ZEB1: variants seen among roughly 807,000 people sequenced by gnomAD.
The protein encoded by ZEB1 is zinc finger E-box binding homeobox 1.
Under a neutral mutation model 84.9 loss-of-function variants are expected in ZEB1, and 21 were observed. The ratio of observed to expected loss-of-function variants is 0.25; its 90% CI spans 0.18 to 0.36. The LOEUF (loss-of-function observed/expected upper bound fraction) is 0.36. Ranked by LOEUF, ZEB1 falls within the 10% of genes least tolerant of loss-of-function variation. The pLI is 1.00. For synonymous variants in ZEB1, 420 were observed against 471.1 expected, an observed-to-expected ratio of 0.89 and a Z score of 1.41; for missense variants, 1,104 against 1,330.2, an observed-to-expected ratio of 0.83 and a Z score of 2.65.
rs115611795 is a variant in ZEB1, at chr10:31,431,871, C to T, written c.59-29166C>T. Among the ~76,000 whole-genome samples the T allele has an allele frequency of 5.6e-3, 851 of 152,134 alleles. 13 individuals are homozygous for T. The highest frequency in any genetic ancestry group is 0.02 in the African/African-American group (814 of 41,510). ...GATTGTCTTTAAATCTTTATGAAAA[C>T]GTGAAATGAAGCAACATAAACATTA... is the stretch of plus-strand genomic sequence containing the variant. On this transcript the variant is annotated intron_variant, in intron 1 of 8. Coordinates refer to ENST00000424869, the MANE Select transcript of ZEB1 (RefSeq NM_001174096.2).
chr10:31,379,516 T>C (rs962140535), intron 1 of ZEB1, among the ~76,000 whole-genome samples: 8 of 151,942 alleles, frequency 5.3e-5, no homozygotes, highest in Admixed American at 2.0e-4. Flanking sequence ...TATGTGCAAG[T>C]CAAATTTAAT....
chr10:31,497,971 A>T (rs765282404), intron 3 of ZEB1, among the ~76,000 whole-genome samples: 24 of 149,488 alleles, frequency 1.6e-4, no homozygotes, highest in African/African-American at 5.5e-4. Flanking sequence ...ATAGATAGAT[A>T]GATTTAAAAA....
intron 2 of ZEB1, among the ~76,000 whole-genome samples, chr10:31,491,290 T>G (rs2066489078): frequency 6.6e-6 from 1 of 151,826 alleles, no homozygotes; most frequent in African/African-American, 2.4e-5. Context: ...GGAGTTTATA[T>G]TGTACTCTTA....
At chr10:31,356,555 T>G (rs2042157851) in intron 1 of ZEB1, among the ~76,000 whole-genome samples, 1 of 152,162 alleles carries the variant, frequency 6.6e-6, no homozygotes, top group Admixed American at 6.5e-5. Context: ...GCTGGATCAT[T>G]GGCTCTAGAG....
chr10:31,333,951 G>C (rs900233442), intron 1 of ZEB1, among the ~76,000 whole-genome samples: 8 of 152,106 alleles, frequency 5.3e-5, no homozygotes, highest in African/African-American at 1.9e-4. Context: ...AAACCTGTCC[G>C]AGAGAGTGAG....
In ZEB1 at chr10:31,417,467, A is replaced by C. The variant is rs117995545; in HGVS notation, c.59-43570A>C. 1.9e-4 allele frequency among the ~76,000 whole-genome samples: 29 copies of C among 152,246 alleles called. No individual in the cohort carries two copies. The East Asian group carries it at 2.5e-3, about 13-fold the overall frequency. ...CTAGAGGAAATTGCGTATTCTGGTTAATGAGTGGCTTATCACATACTGTCT... is the reference window on the plus strand; with the variant it reads ...CTAGAGGAAATTGCGTATTCTGGTTCATGAGTGGCTTATCACATACTGTCT... On this transcript the variant is annotated intron_variant, in intron 1 of 8. Coordinates refer to ENST00000424869, the MANE Select transcript of ZEB1 (RefSeq NM_001174096.2).
At chr10:31,352,828 A>T (rs1347893451) in intron 1 of ZEB1, among the ~76,000 whole-genome samples, 2 of 152,244 alleles carry the variant, frequency 1.3e-5, no homozygotes, top group African/African-American at 4.8e-5. Context: ...TCTGTTGATC[A>T]AAACAAGTCA....
chr10:31,456,583 G>A (rs78327438), intron 1 of ZEB1, among the ~76,000 whole-genome samples: 2,281 of 152,182 alleles, frequency 0.015, 60 homozygotes, highest in African/African-American at 0.053. Context: ...TTTTTCATCA[G>A]TGTAACGATT....
chr10:31,495,174 T>A (rs2067049506), intron 2 of ZEB1, among the ~76,000 whole-genome samples: 2 of 152,058 alleles, frequency 1.3e-5, no homozygotes, highest in South Asian at 4.1e-4. Flanking sequence ...ATTTAACTTC[T>A]CCAAGCCTCA....
chr10:31,380,831 T>G (rs995914706), intron 1 of ZEB1, among the ~76,000 whole-genome samples: 6 of 152,168 alleles, frequency 3.9e-5, no homozygotes, highest in Non-Finnish European at 4.4e-5. Flanking sequence ...TCTGAGGACT[T>G]TCACAGAATA....
intron 1 of ZEB1, among the ~76,000 whole-genome samples, chr10:31,450,951 G>T (rs992494036): frequency 6.6e-6 from 1 of 151,854 alleles, no homozygotes; most frequent in Non-Finnish European, 1.5e-5. Flanking sequence ...TCCTTCCTCA[G>T]ATTTTAATTA....
intron 1 of ZEB1, among the ~76,000 whole-genome samples, chr10:31,339,118 T>G (rs779437298): frequency 5.9e-5 from 9 of 152,156 alleles, no homozygotes; most frequent in Non-Finnish European, 1.0e-4. Flanking sequence ...CACACTCCAT[T>G]TAGAGCATTT....
At chr10:31,319,471 C>G in intron 1 of ZEB1, 179 bp downstream of exon 1, 1 of 635,284 alleles carries the variant, frequency 1.6e-6, no homozygotes. Flanking sequence ...CTGCCGGAGC[C>G]GCGCCGCGGC....
intron 2 of ZEB1, among the ~76,000 whole-genome samples, chr10:31,465,260 A>G (rs2062264883): frequency 6.6e-6 from 1 of 152,118 alleles, no homozygotes; most frequent in African/African-American, 2.4e-5. Flanking sequence ...ATATACAAGT[A>G]TGTAAATTGT....
Position 31,484,742 on chromosome 10 carries a change from A to G in ZEB1, c.260-11034A>G, listed in dbSNP as rs2065497783. On this transcript the variant is annotated intron_variant, in intron 2 of 8. Coordinates refer to ENST00000424869, the MANE Select transcript of ZEB1 (RefSeq NM_001174096.2). ...TTTCTTGCTGGCTGACAGAAAAGGAATGATAATGAGGGTACACAGATGACT... is the reference window on the plus strand; with the variant it reads ...TTTCTTGCTGGCTGACAGAAAAGGAGTGATAATGAGGGTACACAGATGACT... Among the ~76,000 whole-genome samples the G allele has an allele frequency of 2.0e-5, 3 of 152,034 alleles. No individual in the cohort carries two copies. In the South Asian group the frequency reaches 6.2e-4, roughly 31 times the overall value.
chr10:31,431,205 T>C (rs900793928), intron 1 of ZEB1, among the ~76,000 whole-genome samples: 2 of 152,328 alleles, frequency 1.3e-5, no homozygotes, highest in Admixed American at 1.3e-4. Flanking sequence ...CAGGTACATA[T>C]CTTTGTTGTT....
intron 1 of ZEB1, among the ~76,000 whole-genome samples, chr10:31,376,430 G>A (rs2046634928): frequency 6.6e-6 from 1 of 151,734 alleles, no homozygotes. Context: ...TTTAAAATGA[G>A]AAACTGCTGT....
At chr10:31,397,109 G>A (rs1480402944) in intron 1 of ZEB1, among the ~76,000 whole-genome samples, 3 of 147,308 alleles carry the variant, frequency 2.0e-5, no homozygotes, top group Non-Finnish European at 3.0e-5. Flanking sequence ...TCCACCTCCC[G>A]GGTTCAAGCA....
intron 1 of ZEB1, among the ~76,000 whole-genome samples, chr10:31,353,395 C>T (rs2041618971): frequency 6.6e-6 from 1 of 152,200 alleles, no homozygotes; most frequent in Non-Finnish European, 1.5e-5. Flanking sequence ...AAGCATCTGT[C>T]TAATGCTAGA....
Sources: allele counts gnomAD v4.1 joint callset (sites outside exome capture counted in the v4.1 genomes callset), GRCh38; gene constraint gnomAD v4.1.1; transcripts MANE v1.5; gene names NCBI Gene and HGNC (gene_info 2026-07-23, HGNC 2026-07-21).